CPNE4: variants seen among roughly 807,000 people sequenced by gnomAD.
CPNE4 encodes copine 4.
In CPNE4, 25 loss-of-function variants were observed where a neutral mutation model predicts 67.9. The ratio of observed to expected loss-of-function variants is 0.37; its 90% CI spans 0.27 to 0.51. CPNE4 has a LOEUF of 0.51. Among genes scored for constraint, CPNE4 ranks in the 20% least tolerant of loss-of-function variants. The pLI is 0.93. For missense variants in CPNE4, 464 were observed against 690.8 expected (o/e 0.67, Z 3.68); for synonymous variants, 242 against 244.9 (o/e 0.99, Z 0.11).
At chr3:131,866,231 TGA>T (rs977124964) in intron 2 of CPNE4, among the ~76,000 whole-genome samples, 1 of 10,072 alleles carries the variant, frequency 9.9e-5, no homozygotes, top group Non-Finnish European at 3.8e-4. Context: ...CAGCTGAGAG[TGA>T]GAGAGTCTCC....
At chr3:131,814,261 G>A (rs1443557085) in intron 2 of CPNE4, among the ~76,000 whole-genome samples, 2 of 152,148 alleles carry the variant, frequency 1.3e-5, no homozygotes, top group African/African-American at 2.4e-5. Context: ...CTTGGCATAA[G>A]AGTTTCTCTT....
chr3:131,880,260 C>T (rs1375514755), intron 2 of CPNE4, among the ~76,000 whole-genome samples: 2 of 151,834 alleles, frequency 1.3e-5, no homozygotes, highest in Non-Finnish European at 2.9e-5. Context: ...GGACTACAGG[C>T]GCCCACGACC....
chr3:131,620,197 G>T (rs1253402113), intron 7 of CPNE4, among the ~76,000 whole-genome samples: 1 of 152,114 alleles, frequency 6.6e-6, no homozygotes, highest in Non-Finnish European at 1.5e-5. Context: ...AAATGTAAAA[G>T]GTTTCTGGGA....
At chr3:131,781,811 T>A (rs891505790) in intron 2 of CPNE4, among the ~76,000 whole-genome samples, 1 of 152,170 alleles carries the variant, frequency 6.6e-6, no homozygotes, top group Non-Finnish European at 1.5e-5. Flanking sequence ...CTTGAGTAAG[T>A]GGCTTCACAT....
intron 1 of CPNE4, among the ~76,000 whole-genome samples, chr3:131,968,350 T>G (rs1583532052): frequency 6.6e-6 from 1 of 151,986 alleles, no homozygotes; most frequent in East Asian, 1.9e-4. Context: ...AGGCCAAAAT[T>G]GACAAATGGG....
rs1191414056 is a variant in CPNE4 at position 131,959,113 on chromosome 3, G to A, written c.-1-53669C>T. 4.3e-5 allele frequency among the ~76,000 whole-genome samples: 2 copies of A among 46,064 alleles called. 1 individual carries two copies. Among genetic ancestry groups the A allele is most frequent in the Non-Finnish European group, 7.6e-5 (2 of 26,308 alleles). The allele number at this position is 46,064 out of a possible 152,430, so 30.2% of individuals were successfully genotyped here. ...CCTCCCGGGTTCACGCCATTCTCCT[G>A]TCTCAGCCTCCCAAGTAGCTGGGAC... On this transcript the variant is annotated intron_variant, in intron 1 of 15. Transcript: ENST00000429747.
intron 2 of CPNE4, among the ~76,000 whole-genome samples, chr3:131,751,164 T>C (rs116027178): frequency 6.6e-6 from 1 of 152,156 alleles, no homozygotes; most frequent in East Asian, 1.9e-4. Flanking sequence ...GTTTCACTCA[T>C]CTTGTTGAAG....
chr3:131,572,653 G>T (rs1559919621), intron 10 of CPNE4, among the ~76,000 whole-genome samples: 1 of 151,980 alleles, frequency 6.6e-6, no homozygotes, highest in Non-Finnish European at 1.5e-5. Flanking sequence ...AGAACTTTAT[G>T]TCACCTCTGG....
intron 7 of CPNE4, among the ~76,000 whole-genome samples, chr3:131,668,861 G>A (rs2080326281): frequency 6.6e-6 from 1 of 152,024 alleles, no homozygotes; most frequent in African/African-American, 2.4e-5. Flanking sequence ...CATTCCCAAG[G>A]TGCTCAGAAA....
chr3:131,706,251 A>T (rs1344741670), intron 3 of CPNE4, among the ~76,000 whole-genome samples: 1 of 152,208 alleles, frequency 6.6e-6, no homozygotes, highest in Non-Finnish European at 1.5e-5. Context: ...TAGGCTAAGT[A>T]TTTTTGTTAT....
At chr3:131,577,313 A>C (rs56153298) in intron 9 of CPNE4, among the ~76,000 whole-genome samples, 1 of 152,094 alleles carries the variant, frequency 6.6e-6, no homozygotes, top group South Asian at 2.1e-4. Context: ...ACACGTATAC[A>C]TATATACAAT....
intron 7 of CPNE4, among the ~76,000 whole-genome samples, chr3:131,612,558 C>T (rs887158663): frequency 6.6e-6 from 1 of 152,068 alleles, no homozygotes; most frequent in African/African-American, 2.4e-5. Context: ...AAGAGAGAAT[C>T]CTGTACCTCT....
chr3:131,668,111 G>A (rs1214188054), intron 7 of CPNE4, among the ~76,000 whole-genome samples: 4 of 152,146 alleles, frequency 2.6e-5, no homozygotes, highest in Admixed American at 6.6e-5. Flanking sequence ...GATACCAGGT[G>A]CAACTCTGAG....
chr3:131,934,613 T>G (rs57271528), intron 1 of CPNE4, among the ~76,000 whole-genome samples: 28,846 of 152,030 alleles, frequency 0.19, 3,006 homozygotes, highest in East Asian at 0.31. Flanking sequence ...CCTCCCTGTG[T>G]CTATGTATTC....
intron 7 of CPNE4, among the ~76,000 whole-genome samples, chr3:131,611,005 G>A (rs1445907015): frequency 2.0e-5 from 3 of 152,142 alleles, no homozygotes; most frequent in Non-Finnish European, 4.4e-5. Context: ...AAGTTTTATG[G>A]TGAGCTCACA....
intron 1 of CPNE4, among the ~76,000 whole-genome samples, chr3:131,995,793 G>A (rs1229947021): frequency 1.3e-5 from 2 of 152,094 alleles, no homozygotes; most frequent in Non-Finnish European, 1.5e-5. Context: ...CTATTATCTC[G>A]ATGTGGTCCC....
At chr3:131,982,818 G>T (rs192272738) in intron 1 of CPNE4, among the ~76,000 whole-genome samples, 1 of 151,734 alleles carries the variant, frequency 6.6e-6, no homozygotes, top group African/African-American at 2.4e-5. Flanking sequence ...CTTATAATAA[G>T]GAAACTTTAA....
intron 7 of CPNE4, among the ~76,000 whole-genome samples, chr3:131,631,593 A>G (rs907142999): frequency 6.6e-6 from 1 of 152,220 alleles, no homozygotes; most frequent in Non-Finnish European, 1.5e-5. Flanking sequence ...AAAACCGGAA[A>G]TTATTAACAT....
intron 7 of CPNE4, among the ~76,000 whole-genome samples, chr3:131,633,864 A>G (rs985141311): frequency 3.3e-5 from 5 of 152,144 alleles, no homozygotes; most frequent in Admixed American, 2.0e-4. Flanking sequence ...TTCTTTATTT[A>G]GAATCATTGT....
Sources: allele counts gnomAD v4.1 joint callset (sites outside exome capture counted in the v4.1 genomes callset), GRCh38; gene constraint gnomAD v4.1.1; transcripts MANE v1.5; gene names NCBI Gene and HGNC (gene_info 2026-07-23, HGNC 2026-07-21).